The following PCDHA1 variants were observed in gnomAD, a reference collection of about 807,000 sequenced individuals.
PCDHA1 encodes the protein protocadherin alpha-1.
A neutral mutation model predicts 61.3 loss-of-function variants in PCDHA1; 42 were observed. That is an observed-to-expected ratio of 0.69 (90% CI 0.54 to 0.89). The LOEUF (loss-of-function observed/expected upper bound fraction) is 0.89. Among genes scored for constraint, PCDHA1 ranks in the 40% least tolerant of loss-of-function variants. The pLI is 0.00. For missense variants in PCDHA1, 1,256 were observed against 1,235.3 expected, an observed-to-expected ratio of 1.02 and a Z score of -0.25; for synonymous variants, 610 against 553.8, an observed-to-expected ratio of 1.10 and a Z score of -1.43.
intron 1 of PCDHA1, chr5:140,884,177 C>G (rs1405519238): frequency 1.9e-6 from 3 of 1,613,322 alleles, no homozygotes; most frequent in South Asian, 1.1e-5. Flanking sequence ...GACGCGCCCT[C>G]TGGACGAGGT....
intron 3 of PCDHA1, among the ~76,000 whole-genome samples, chr5:140,992,572 G>T (rs1441448703): frequency 2.0e-5 from 3 of 152,148 alleles, no homozygotes; most frequent in Non-Finnish European, 4.4e-5. Flanking sequence ...AACACATATT[G>T]CCTGCCTTGT....
At chr5:140,828,862 C>T (rs2150159832) in intron 1 of PCDHA1, 2 of 1,614,178 alleles carry the variant, frequency 1.2e-6, no homozygotes, top group Non-Finnish European at 1.7e-6. Context: ...ATGCAGACAA[C>T]GGAACAACAG....
intron 1 of PCDHA1, chr5:140,836,227 C>G: frequency 6.2e-7 from 1 of 1,613,736 alleles, no homozygotes; most frequent in African/African-American, 1.3e-5. Context: ...CAACCGGTGG[C>G]GGCCGGTGCG....
At chr5:140,877,443 C>G (rs376417721) in intron 1 of PCDHA1, 15 of 1,613,726 alleles carry the variant, frequency 9.3e-6, no homozygotes, top group African/African-American at 1.3e-5. Context: ...ACGGTGAGCC[C>G]GCGCTGACGT....
intron 3 of PCDHA1, among the ~76,000 whole-genome samples, chr5:141,004,757 A>T (rs964370551): frequency 3.9e-5 from 6 of 152,164 alleles, no homozygotes; most frequent in African/African-American, 1.4e-4. Flanking sequence ...TCTCTTAGAG[A>T]CAGGACCTGT....
At chr5:140,922,802 GA>G (rs1475670811) in intron 1 of PCDHA1, among the ~76,000 whole-genome samples, 1 of 152,162 alleles carries the variant, frequency 6.6e-6, no homozygotes, top group African/African-American at 2.4e-5. Flanking sequence ...TTGGAATACA[GA>G]AAAAGGAGAT....
intron 1 of PCDHA1, among the ~76,000 whole-genome samples, chr5:140,946,634 A>ATAT (rs1554217761): frequency 1.4e-5 from 2 of 147,350 alleles, no homozygotes; most frequent in Non-Finnish European, 3.0e-5. Context: ...ATATATATAC[A>ATAT]ATGGAATACT....
rs1259591783 is a variant in PCDHA1, at chr5:141,009,842, G to C, written c.2758G>C (p.Glu920Gln). 1.2e-6 allele frequency: 2 copies of C among 1,613,960 alleles called. No individual in the cohort carries two copies. The highest frequency in any genetic ancestry group is 1.7e-6 in the Non-Finnish European group (2 of 1,180,014). ...TGACTTCATAACCTTCGGCAAAAAG[G>C]AGGAGACCAAGAAAAAGAAGAAAAA... ...KSDFITFGKKEETKKKKKKKK... is the reference protein window; with the variant it reads ...KSDFITFGKKQETKKKKKKKK... The change falls in exon 4 of 4, where the codon GAG becomes CAG. Residue 920 changes from glutamate (E) to glutamine (Q), a missense_variant. Coordinates refer to ENST00000504120, the MANE Select transcript of PCDHA1 (RefSeq NM_018900.4).
chr5:140,797,406 C>A, intron 1 of PCDHA1: 2 of 1,539,284 alleles, frequency 1.3e-6, no homozygotes, highest in Non-Finnish European at 1.8e-6. Context: ...TTAAAAAATT[C>A]TATATGATTT....
intron 1 of PCDHA1, chr5:140,966,754 G>A (rs1554228611): frequency 1.4e-6 from 2 of 1,432,146 alleles, no homozygotes; most frequent in South Asian, 3.0e-5. Context: ...TGCCTCCGCC[G>A]CGGCCAGTGG....
rs892987704 is a variant in PCDHA1, at chr5:140,988,405, C to A, written c.2542+5842C>A. Among the ~76,000 whole-genome samples, 31 of 152,248 alleles carry A rather than the reference C, an allele frequency of 2.0e-4. No individual in the cohort carries two copies. In the East Asian group the frequency reaches 5.6e-3, roughly 28 times the overall value. The stretch of plus-strand genomic sequence containing the variant: ...ATTGTGTTTGCCAGAGTTCTCTTCG[C>A]AGCTTATGTAAAGAATTTGTTTGTT... On this transcript the variant is annotated intron_variant, in intron 3 of 3. Transcript: ENST00000504120.
intron 1 of PCDHA1, among the ~76,000 whole-genome samples, chr5:140,904,259 C>T (rs2070990539): frequency 6.6e-6 from 1 of 152,066 alleles, no homozygotes. Context: ...GCTTAGCTCC[C>T]ACTTATGAAT....
At chr5:140,795,249 G>C (rs1554119329) in intron 1 of PCDHA1, 1 of 1,614,272 alleles carries the variant, frequency 6.2e-7, no homozygotes, top group South Asian at 1.1e-5. Context: ...GGGAGGAGCT[G>C]TGCGGGCGGA....
intron 1 of PCDHA1, among the ~76,000 whole-genome samples, chr5:140,904,015 AT>A (rs1171166257): frequency 6.6e-6 from 1 of 152,234 alleles, no homozygotes; most frequent in Non-Finnish European, 1.5e-5. Flanking sequence ...ACTTTAAAAA[AT>A]AATGGTATAA....
chr5:140,796,332 A>G (rs375841777), intron 1 of PCDHA1: 4 of 1,609,960 alleles, frequency 2.5e-6, no homozygotes, highest in Admixed American at 1.7e-5. Flanking sequence ...CGGCGTTCGC[A>G]CAGCCTGAGT....
intron 1 of PCDHA1, chr5:140,857,948 C>T (rs1160932490): frequency 2.5e-6 from 4 of 1,597,436 alleles, no homozygotes; most frequent in African/African-American, 1.3e-5. Flanking sequence ...CAGTACGACG[C>T]GCGCTCTGGA....
intron 1 of PCDHA1, among the ~76,000 whole-genome samples, chr5:140,945,480 C>A (rs2093795468): frequency 6.6e-6 from 1 of 151,728 alleles, no homozygotes; most frequent in South Asian, 2.1e-4. Context: ...CACAAAACAC[C>A]CCAAATACCC....
chr5:140,886,961 C>T (rs1340952035), intron 1 of PCDHA1, among the ~76,000 whole-genome samples: 1 of 151,926 alleles, frequency 6.6e-6, no homozygotes, highest in South Asian at 2.1e-4. Context: ...CATTTAGCAA[C>T]GAAATTTATT....
chr5:141,010,506 C>A lies in PCDHA1; in HGVS notation c.*569C>A. ...CTTAAAGGGACCAGACTTTCTAAAT[C>A]TTACAACTCAAGAGGTGGCAGCCAC... is the stretch of plus-strand genomic sequence containing the variant. On this transcript the variant is annotated 3_prime_UTR_variant, in exon 4 of 4. Transcript: ENST00000504120. 1 of 549,534 alleles carries A rather than the reference C, an allele frequency of 1.8e-6. No homozygotes were observed. The highest frequency in any genetic ancestry group is 2.9e-6 in the Non-Finnish European group (1 of 344,162). 34.0% of individuals were successfully genotyped at this position (549,534 alleles called of 1,614,324 possible). A position where few individuals can be genotyped will look rare whatever the true frequency, so the allele number is the denominator to read the frequency against.
Sources: allele counts gnomAD v4.1 joint callset (sites outside exome capture counted in the v4.1 genomes callset), GRCh38; gene constraint gnomAD v4.1.1; transcripts MANE v1.5; gene names NCBI Gene and HGNC (gene_info 2026-07-23, HGNC 2026-07-21).